Variants in SUMF1 observed in about 807,000 individuals in gnomAD.
SUMF1 encodes the protein formylglycine-generating enzyme.
A neutral mutation model predicts 47.6 loss-of-function variants in SUMF1; 48 were observed. The ratio of observed to expected loss-of-function variants is 1.01; its 90% confidence interval spans 0.80 to 1.28. SUMF1 has a LOEUF of 1.28. SUMF1 is among the 50% of genes most tolerant of loss of function. The probability of loss-of-function intolerance (pLI) is 0.00; values close to 1 mark genes in which losing one functional copy is unlikely to be tolerated. For synonymous variants in SUMF1, 230 were observed against 192.1 expected (o/e 1.20, Z -1.63); for missense variants, 571 against 485.4 (o/e 1.18, Z -1.66).
intron 7 of SUMF1, among the ~76,000 whole-genome samples, chr3:4,383,678 C>A (rs1700580995): frequency 6.6e-6 from 1 of 152,154 alleles, no homozygotes; most frequent in Non-Finnish European, 1.5e-5. Context: ...AGACTGGAGT[C>A]TCCTAAGCTC....
chr3:4,174,004 G>GT (rs1406407238), intron 8 of SUMF1, among the ~76,000 whole-genome samples: 1 of 152,094 alleles, frequency 6.6e-6, no homozygotes, highest in East Asian at 1.9e-4. Flanking sequence ...TTCTGCACAT[G>GT]TATCTGCACA....
chr3:4,079,448 A>G (rs1692510889), intron 8 of SUMF1, among the ~76,000 whole-genome samples: 1 of 151,992 alleles, frequency 6.6e-6, no homozygotes, highest in South Asian at 2.1e-4. Flanking sequence ...TGTACCTGAG[A>G]GAGCAGCAGA....
At chr3:4,304,979 G>T (rs184649999) in intron 8 of SUMF1, among the ~76,000 whole-genome samples, 2 of 151,438 alleles carry the variant, frequency 1.3e-5, no homozygotes, top group African/African-American at 2.4e-5. Context: ...TGGTGGGGGG[G>T]GCTTCCAGAC....
intron 6 of SUMF1, among the ~76,000 whole-genome samples, chr3:4,416,724 T>C (rs866588393): frequency 2.0e-5 from 2 of 99,328 alleles, no homozygotes; most frequent in Middle Eastern, 4.5e-3. Context: ...AGACAATTCA[T>C]GCAAATGCCT....
intron 8 of SUMF1, chr3:4,317,500 T>A (rs1163668633): frequency 3.0e-6 from 1 of 336,696 alleles, no homozygotes; most frequent in Non-Finnish European, 5.4e-6. Context: ...CTGGGCAACA[T>A]AGTGAGACCC....
At chr3:4,273,705 GGGAGGATACGGGAGGGAGGATACGGGA>G (rs2125038703) in intron 8 of SUMF1, among the ~76,000 whole-genome samples, 1 of 105,702 alleles carries the variant, frequency 9.5e-6, no homozygotes, top group Non-Finnish European at 1.8e-5. Context: ...GGATACGGGA[GGGAGGATACGGGAGGGAGGATACGGGA>G]GGGAGGATAC....
chr3:4,169,114 A>T (rs1055465724), intron 8 of SUMF1, among the ~76,000 whole-genome samples: 10 of 152,182 alleles, frequency 6.6e-5, no homozygotes, highest in African/African-American at 2.4e-4. Context: ...GCTTTCCCAG[A>T]GGTAAATATT....
At chr3:4,212,726 T>C (rs1228247489) in intron 8 of SUMF1, among the ~76,000 whole-genome samples, 1 of 152,134 alleles carries the variant, frequency 6.6e-6, no homozygotes, top group Non-Finnish European at 1.5e-5. Flanking sequence ...AATGATCTAA[T>C]GGAGCTGAAA....
chr3:4,038,215 G>A (rs1372453804), intron 9 of SUMF1, among the ~76,000 whole-genome samples: 1 of 152,098 alleles, frequency 6.6e-6, no homozygotes, highest in Non-Finnish European at 1.5e-5. Context: ...TTGTCTCCTG[G>A]GGGCTCCACC....
intron 9 of SUMF1, among the ~76,000 whole-genome samples, chr3:4,042,956 G>T (rs765702015): frequency 5.3e-5 from 8 of 152,094 alleles, no homozygotes; most frequent in Non-Finnish European, 1.0e-4. Context: ...TGTTTTCCCA[G>T]AATCATTCAC....
chr3:4,386,600 T>C (rs1289707412), intron 7 of SUMF1, among the ~76,000 whole-genome samples: 1 of 152,072 alleles, frequency 6.6e-6, no homozygotes, highest in East Asian at 1.9e-4. Flanking sequence ...TATTTCCATT[T>C]CTTACCTTAT....
intron 8 of SUMF1, among the ~76,000 whole-genome samples, chr3:4,348,831 C>T (rs1436048503): frequency 4.6e-5 from 7 of 152,140 alleles, no homozygotes; most frequent in Admixed American, 6.5e-5. Flanking sequence ...GCCAAGATCA[C>T]GCCATTGCAC....
At chr3:4,145,180 G>C (rs752448295) in intron 8 of SUMF1, among the ~76,000 whole-genome samples, 5 of 112,148 alleles carry the variant, frequency 4.5e-5, no homozygotes, top group African/African-American at 1.6e-4. Context: ...GCAACAGAGT[G>C]AAACTCCGTC....
At chr3:4,245,431 C>A (rs548519124) in intron 8 of SUMF1, among the ~76,000 whole-genome samples, 1 of 152,232 alleles carries the variant, frequency 6.6e-6, no homozygotes, top group Admixed American at 6.5e-5. Flanking sequence ...GTGTGGATGT[C>A]CTTTTTGTTG....
intron 3 of SUMF1, among the ~76,000 whole-genome samples, chr3:4,442,638 G>GAA (rs61296884): frequency 5.7e-4 from 35 of 61,320 alleles, no homozygotes; most frequent in African/African-American, 1.4e-3. Flanking sequence ...AGAGAAAAAG[G>GAA]AAAAAAAAAA....
chr3:4,175,586 A>G (rs1225302489), intron 8 of SUMF1, among the ~76,000 whole-genome samples: 1 of 152,202 alleles, frequency 6.6e-6, no homozygotes, highest in Non-Finnish European at 1.5e-5. Context: ...ATGGGGAGAA[A>G]CCACAGCAGA....
At chr3:4,243,120 A>AT (rs1221671798) in intron 8 of SUMF1, among the ~76,000 whole-genome samples, 1 of 152,110 alleles carries the variant, frequency 6.6e-6, no homozygotes, top group African/African-American at 2.4e-5. Flanking sequence ...GCCGTTTATC[A>AT]TTTTTTATTG....
intron 8 of SUMF1, among the ~76,000 whole-genome samples, chr3:4,124,023 T>C (rs756165515): frequency 6.6e-6 from 1 of 152,172 alleles, no homozygotes; most frequent in African/African-American, 2.4e-5. Context: ...TCCCTCCCTC[T>C]CTTTACTTAC....
intron 8 of SUMF1, among the ~76,000 whole-genome samples, chr3:4,084,228 C>T (rs571339242): frequency 6.6e-6 from 1 of 152,170 alleles, no homozygotes; most frequent in East Asian, 1.9e-4. Flanking sequence ...TTCTGCCAGT[C>T]AAGTCCAGGA....
Sources: gnomAD v4.1 joint callset for allele counts (sites outside exome capture counted in the v4.1 genomes callset) on GRCh38, gnomAD v4.1.1 for gene constraint, MANE v1.5 for transcripts, NCBI Gene and HGNC (gene_info 2026-07-23, HGNC 2026-07-21) for gene names.